Variants in PRMT3 observed in about 807,000 individuals in gnomAD.
PRMT3 encodes the protein protein arginine methyltransferase 3.
PRMT3 carries 62 observed loss-of-function variants against 71.9 expected under a neutral mutation model. The ratio of observed to expected loss-of-function variants is 0.86; its 90% confidence interval spans 0.70 to 1.07. The LOEUF (loss-of-function observed/expected upper bound fraction) is 1.07, where lower values mean the gene tolerates loss of function less well. PRMT3 is among the 50% of genes least tolerant of loss of function. PRMT3 has a pLI of 0.00. For synonymous variants in PRMT3, 213 were observed against 220.4 expected, an observed-to-expected ratio of 0.97 and a Z score of 0.30; for missense variants, 663 against 643.0, an observed-to-expected ratio of 1.03 and a Z score of -0.34.
chr11:20,442,826 C>G (rs1343989477), intron 10 of PRMT3, among the ~76,000 whole-genome samples: 1 of 152,146 alleles, frequency 6.6e-6, no homozygotes, highest in East Asian at 1.9e-4. Context: ...TTTGCTATTA[C>G]AAATAATATT....
At chr11:20,434,069 C>G (rs532960106) in intron 10 of PRMT3, among the ~76,000 whole-genome samples, 43 of 152,260 alleles carry the variant, frequency 2.8e-4, no homozygotes, top group African/African-American at 9.9e-4. Context: ...AATAGCCATT[C>G]TGACTGGTGT....
intron 15 of PRMT3, among the ~76,000 whole-genome samples, chr11:20,502,524 C>T (rs1250797842): frequency 6.6e-6 from 1 of 152,158 alleles, no homozygotes; most frequent in East Asian, 1.9e-4. Context: ...TGATGCTTAG[C>T]ATTTTTTCTT....
chr11:20,474,932 A>G (rs1307261561), intron 13 of PRMT3, among the ~76,000 whole-genome samples: 4 of 152,254 alleles, frequency 2.6e-5, no homozygotes, highest in African/African-American at 9.6e-5. Context: ...CTGGCTAATA[A>G]TTTTAAACTT....
chr11:20,397,785 A>C lies in PRMT3; in HGVS notation c.705+64A>C, dbSNP rs2133305607. ...GGAAAAATAGAACAGGTTCTTTCTTAATATATGTGTGCACTATAGGAGACC... is the reference window on the plus strand; with the variant it reads ...GGAAAAATAGAACAGGTTCTTTCTTCATATATGTGTGCACTATAGGAGACC... On this transcript the variant is annotated intron_variant, in intron 7 of 15. Coordinates refer to ENST00000331079, the MANE Select transcript of PRMT3 (RefSeq NM_005788.4). The C allele has an allele frequency of 3.9e-6, 6 of 1,557,952 alleles. No homozygotes were observed. The South Asian group carries it at 5.9e-5, about 15-fold the overall frequency.
In PRMT3 at chr11:20,462,133, C is replaced by T. The variant is rs142036289; in HGVS notation, c.1226C>T (p.Pro409Leu). The T allele has an allele frequency of 1.1e-5, 18 of 1,611,250 alleles. No homozygotes were observed. The highest frequency in any genetic ancestry group is 2.7e-5 in the African/African-American group (2 of 74,966). Residue 409 changes from proline (P) to leucine (L), a missense_variant, in exon 12 of 16, where the codon CCG becomes CTG. Physicochemically the swap from Pro to Leu is moderately conservative, Grantham distance 98. Transcript: ENST00000331079. ...GAAGCTGTTGTGGAAGTTTTAGATC[C>T]GAAGACTCTTATTTCAGAACCTTGT... is the stretch of plus-strand genomic sequence containing the variant. Reference protein sequence around the residue: ...IPEAVVEVLDPKTLISEPCGI... With the variant: ...IPEAVVEVLDLKTLISEPCGI...
intron 13 of PRMT3, among the ~76,000 whole-genome samples, chr11:20,488,312 A>G (rs1421697023): frequency 6.6e-6 from 1 of 151,964 alleles, no homozygotes; most frequent in Non-Finnish European, 1.5e-5. Context: ...TTGTATTTTC[A>G]TCTCCTTGGT....
At chr11:20,462,935 G>A (rs772893496) in intron 12 of PRMT3, among the ~76,000 whole-genome samples, 9 of 150,708 alleles carry the variant, frequency 6.0e-5, no homozygotes, top group Non-Finnish European at 1.0e-4. Context: ...GCGCAATCTC[G>A]GCTCACTGCA....
chr11:20,481,575 G>A (rs538002761), intron 13 of PRMT3, among the ~76,000 whole-genome samples: 1 of 152,236 alleles, frequency 6.6e-6, no homozygotes, highest in African/African-American at 2.4e-5. Context: ...TAGTTTATAT[G>A]TTAGTCTCTA....
At chr11:20,390,175 T>G (rs1440606900) in intron 3 of PRMT3, among the ~76,000 whole-genome samples, 1 of 151,554 alleles carries the variant, frequency 6.6e-6, no homozygotes, top group Non-Finnish European at 1.5e-5. Flanking sequence ...CTGTGAAATA[T>G]AAGTTCAGAT....
At chr11:20,467,693 T>C (rs1261887188) in intron 13 of PRMT3, among the ~76,000 whole-genome samples, 1 of 152,200 alleles carries the variant, frequency 6.6e-6, no homozygotes, top group African/African-American at 2.4e-5. Context: ...TTGCAGCAGA[T>C]AGGAAGTAGA....
At chr11:20,394,435 A>T (rs7394821) in intron 5 of PRMT3, among the ~76,000 whole-genome samples, 1 of 151,910 alleles carries the variant, frequency 6.6e-6, no homozygotes, top group Non-Finnish European at 1.5e-5. Flanking sequence ...CGCTGTCCTT[A>T]GGAATGTTTT....
intron 15 of PRMT3, among the ~76,000 whole-genome samples, chr11:20,499,944 C>G (rs1851419373): frequency 6.6e-6 from 1 of 152,178 alleles, no homozygotes; most frequent in Non-Finnish European, 1.5e-5. Context: ...GAGCAGCCAT[C>G]AAGATCTCTG....
At chr11:20,438,491 G>A (rs531584325) in intron 10 of PRMT3, among the ~76,000 whole-genome samples, 33 of 152,086 alleles carry the variant, frequency 2.2e-4, no homozygotes, top group African/African-American at 7.2e-4. Context: ...ACTCGGACTC[G>A]TGGGGGTTAG....
chr11:20,485,334 A>G (rs994171920), intron 13 of PRMT3, among the ~76,000 whole-genome samples: 3 of 152,218 alleles, frequency 2.0e-5, no homozygotes, highest in African/African-American at 7.2e-5. Context: ...AATCAGTCAC[A>G]CAAGGACACA....
At chr11:20,391,418 A>G (rs1848712002) in intron 3 of PRMT3, among the ~76,000 whole-genome samples, 1 of 151,864 alleles carries the variant, frequency 6.6e-6, no homozygotes, top group African/African-American at 2.4e-5. Context: ...CTAATTTTGT[A>G]TTTTAGGAGA....
chr11:20,395,177 A>C (rs761995422), intron 5 of PRMT3, among the ~76,000 whole-genome samples: 103 of 152,256 alleles, frequency 6.8e-4, no homozygotes, highest in Non-Finnish European at 3.8e-4. Context: ...ATCAATAAAT[A>C]TTAGGTTTTT....
intron 11 of PRMT3, 56 bp from the exon 12 acceptor site, chr11:20,461,924 A>G (rs1850391963): frequency 1.4e-6 from 2 of 1,382,368 alleles, no homozygotes; most frequent in African/African-American, 1.4e-5. Context: ...TTAAAAAATT[A>G]TATTCCATAA....
chr11:20,492,328 A>G (rs922239999), intron 13 of PRMT3, among the ~76,000 whole-genome samples: 2 of 152,208 alleles, frequency 1.3e-5, no homozygotes, highest in Non-Finnish European at 2.9e-5. Context: ...CTGGAAATCA[A>G]CTGATAAAGT....
chr11:20,387,847 C>T lies in PRMT3; in HGVS notation c.28+73C>T, dbSNP rs1359163762. ...CGCCGCTGTGGGGCCGGTGGAAGAC[C>T]CTCCGGGACACGGGCCCGGGCAGGG... On this transcript the variant is annotated intron_variant, in intron 1 of 15. Transcript: ENST00000331079. The surrounding 1 kb of genome is among the most constrained non-coding windows in gnomAD (Gnocchi z 4.3). 1 of 1,536,238 alleles carries T rather than the reference C, an allele frequency of 6.5e-7. No individual in the cohort carries two copies. Among genetic ancestry groups the T allele is most frequent in the Admixed American group, 2.0e-5 (1 of 50,802 alleles).
Sources: gnomAD v4.1 joint callset for allele counts (sites outside exome capture counted in the v4.1 genomes callset) on GRCh38, gnomAD v4.1.1 for gene constraint, Gnocchi (gnomAD v3.1) non-coding constraint, MANE v1.5 for transcripts, NCBI Gene and HGNC (gene_info 2026-07-23, HGNC 2026-07-21) for gene names.